The following TSHZ2 variants were observed in gnomAD, a reference collection of about 807,000 sequenced individuals.
TSHZ2 encodes teashirt zinc finger homeobox 2, also known as teashirt homolog 2.
A neutral mutation model predicts 74.4 loss-of-function variants in TSHZ2; 21 were observed. The observed-to-expected ratio is 0.28, with a 90% CI of 0.20 to 0.41. The LOEUF is 0.41. TSHZ2 is among the 10% of genes least tolerant of loss of function. The pLI is 1.00. For synonymous variants in TSHZ2, 540 were observed against 515.3 expected, an observed-to-expected ratio of 1.05 and a Z score of -0.65; for missense variants, 1,244 against 1,293.5, an observed-to-expected ratio of 0.96 and a Z score of 0.59.
intron 1 of TSHZ2, among the ~76,000 whole-genome samples, chr20:53,001,208 G>GTGTGTGTGTGTGTGTGTGTGTGTGTGTA (rs1568713357): frequency 1.3e-4 from 6 of 47,498 alleles, no homozygotes; most frequent in Non-Finnish European, 2.6e-4. Flanking sequence ...TCATGTGCGT[G>GTGTGTGTGTGTGTGTGTGTGTGTGTGTA]TGTGTGTGTG....
intron 1 of TSHZ2, among the ~76,000 whole-genome samples, chr20:53,083,816 A>G (rs1985608146): frequency 6.6e-6 from 1 of 151,940 alleles, no homozygotes. Context: ...GTTTGCATTG[A>G]TAACTTGAAG....
chr20:53,257,249 A>C (rs1240116252), intron 2 of TSHZ2, among the ~76,000 whole-genome samples: 1 of 152,198 alleles, frequency 6.6e-6, no homozygotes, highest in Admixed American at 6.5e-5. Flanking sequence ...AGATGAAAAG[A>C]AGCTTATTTT....
At chr20:53,204,332 TATC>T (rs1371979690) in intron 1 of TSHZ2, among the ~76,000 whole-genome samples, 1 of 141,432 alleles carries the variant, frequency 7.1e-6, no homozygotes, top group African/African-American at 2.5e-5. Context: ...TATGATACTA[TATC>T]ATCATATAAC....
At chr20:53,096,449 G>GT (rs748247531) in intron 1 of TSHZ2, among the ~76,000 whole-genome samples, 1 of 152,038 alleles carries the variant, frequency 6.6e-6, no homozygotes, top group Non-Finnish European at 1.5e-5. Flanking sequence ...GGCCTGTATT[G>GT]TTTTTTAGTA....
chr20:53,474,646 C>A (rs1985936457), intron 2 of TSHZ2, among the ~76,000 whole-genome samples: 2 of 133,170 alleles, frequency 1.5e-5, no homozygotes, highest in South Asian at 5.5e-4. Context: ...GGATAAAATT[C>A]ACACATAACA....
At chr20:53,110,073 G>A (rs562260348) in intron 1 of TSHZ2, among the ~76,000 whole-genome samples, 1 of 152,020 alleles carries the variant, frequency 6.6e-6, no homozygotes, top group South Asian at 2.1e-4. Context: ...AAAAATCAGG[G>A]CGTTTCAGCA....
chr20:53,114,959 G>T (rs1039164828), intron 1 of TSHZ2, among the ~76,000 whole-genome samples: 1 of 152,172 alleles, frequency 6.6e-6, no homozygotes, highest in Non-Finnish European at 1.5e-5. Flanking sequence ...TGGGTATCAC[G>T]CATTCTTCCT....
chr20:53,230,736 C>CA (rs1989804978), intron 1 of TSHZ2, among the ~76,000 whole-genome samples: 1 of 151,736 alleles, frequency 6.6e-6, no homozygotes, highest in African/African-American at 2.4e-5. Context: ...ACTAAAAATA[C>CA]AAAAAATTAG....
intron 2 of TSHZ2, among the ~76,000 whole-genome samples, chr20:53,474,134 T>A (rs1366272079): frequency 4.9e-4 from 73 of 149,564 alleles, no homozygotes; most frequent in African/African-American, 1.7e-3. Flanking sequence ...AGGCCAACGT[T>A]CAGATTCAGG....
At chr20:53,272,258 C>G (rs965052064) in intron 2 of TSHZ2, among the ~76,000 whole-genome samples, 1 of 152,222 alleles carries the variant, frequency 6.6e-6, no homozygotes, top group Admixed American at 6.5e-5. Flanking sequence ...GGTCTGCCTG[C>G]CTCGGCCTCC....
rs1568837417 is a variant in TSHZ2, at chr20:53,255,000, G to A, written c.1542G>A (p.Gly514=). 6.2e-7 allele frequency: 1 copy of A among 1,614,030 alleles called. No homozygotes were observed. The highest frequency in any genetic ancestry group is 2.2e-5 in the East Asian group (1 of 44,892). ...EDLEDGSKGG[G]DILKSLENTV... Reference sequence around the variant, plus strand: ...TGGAAGATGGCTCAAAGGGTGGAGGGGACATTTTGAAATCTTTGGAAAATA... The same window carrying A: ...TGGAAGATGGCTCAAAGGGTGGAGGAGACATTTTGAAATCTTTGGAAAATA... Residue 514 remains glycine, a synonymous_variant, in exon 2 of 3, where the codon GGG becomes GGA. Transcript: ENST00000371497.
At chr20:53,224,555 A>C (rs1190157263) in intron 1 of TSHZ2, among the ~76,000 whole-genome samples, 1 of 152,198 alleles carries the variant, frequency 6.6e-6, no homozygotes, top group Non-Finnish European at 1.5e-5. Flanking sequence ...CCTACTAAGA[A>C]CTTAAGAAAT....
chr20:53,106,267 C>T (rs898220097), intron 1 of TSHZ2, among the ~76,000 whole-genome samples: 6 of 152,022 alleles, frequency 3.9e-5, no homozygotes, highest in African/African-American at 1.2e-4. Context: ...TTATAACCAC[C>T]TTTTTACTCG....
chr20:53,460,952 G>C (rs1568928298), intron 2 of TSHZ2, among the ~76,000 whole-genome samples: 1 of 152,232 alleles, frequency 6.6e-6, no homozygotes, highest in Non-Finnish European at 1.5e-5. Context: ...AAAGCTGTCA[G>C]ACAGGGACAT....
intron 1 of TSHZ2, among the ~76,000 whole-genome samples, chr20:53,235,458 C>A (rs1404437825): frequency 6.6e-6 from 1 of 152,176 alleles, no homozygotes; most frequent in African/African-American, 2.4e-5. Context: ...GTGCGAGCCA[C>A]CACCCCTGGC....
At chr20:53,218,844 G>C (rs1410885262) in intron 1 of TSHZ2, among the ~76,000 whole-genome samples, 1 of 152,200 alleles carries the variant, frequency 6.6e-6, no homozygotes, top group East Asian at 1.9e-4. Flanking sequence ...GAACAATTTA[G>C]TGTTACTTTC....
At chr20:53,442,964 G>C (rs117228297) in intron 2 of TSHZ2, among the ~76,000 whole-genome samples, 2,263 of 152,290 alleles carry the variant, frequency 0.015, 26 homozygotes, top group Non-Finnish European at 0.024. Flanking sequence ...ACTTCAGTTT[G>C]TGTGCAGGAA....
At chr20:53,421,924 AC>A (rs1983488730) in intron 2 of TSHZ2, among the ~76,000 whole-genome samples, 1 of 151,034 alleles carries the variant, frequency 6.6e-6, no homozygotes, top group Non-Finnish European at 1.5e-5. Context: ...CTTGTGATCC[AC>A]CCGCCTCGGC....
chr20:53,137,504 A>C (rs1202422067), intron 1 of TSHZ2, among the ~76,000 whole-genome samples: 1 of 152,066 alleles, frequency 6.6e-6, no homozygotes, highest in Non-Finnish European at 1.5e-5. Flanking sequence ...CTGCCCCTCC[A>C]TTAAGGAGCC....
Sources: allele counts gnomAD v4.1 joint callset (sites outside exome capture counted in the v4.1 genomes callset), GRCh38; gene constraint gnomAD v4.1.1; transcripts MANE v1.5; gene names NCBI Gene and HGNC (gene_info 2026-07-23, HGNC 2026-07-21).